DUXB: variants seen among roughly 807,000 people sequenced by gnomAD.
DUXB encodes double homeobox B.
Under a neutral mutation model 8.9 loss-of-function variants are expected in DUXB, and 22 were observed. The ratio of observed to expected loss-of-function variants is 2.46; its 90% CI spans 1.76 to 3.52. The LOEUF (loss-of-function observed/expected upper bound fraction) is 3.52, where lower values mean the gene tolerates loss of function less well. DUXB is among the 30% of genes most tolerant of loss of function. DUXB has a pLI of 0.00. For synonymous variants in DUXB, 84 were observed against 37.6 expected (o/e 2.23, Z -4.52); for missense variants, 237 against 108.7 (o/e 2.18, Z -5.25).
chr16:75,700,329 G>A, intron 1 of DUXB, 160 bp from the exon 2 acceptor site: 2 of 498,846 alleles, frequency 4.0e-6, no homozygotes, highest in Non-Finnish European at 7.1e-6. Flanking sequence ...CCGCTCCTGG[G>A]TTCAAGCGAT....
rs1478025678 is a variant in DUXB at position 75,696,926 on chromosome 16, G to T, written c.198C>A (p.Tyr66Ter). 1.4e-6 allele frequency: 1 copy of T among 702,552 alleles called. No homozygotes were observed. The highest frequency in any genetic ancestry group is 2.6e-6 in the Non-Finnish European group (1 of 384,906). The allele number at this position is 702,552 out of a possible 1,614,324, so 43.5% of individuals were successfully genotyped here. A position where few individuals can be genotyped will look rare whatever the true frequency, so the allele number is the denominator to read the frequency against. Reference sequence around the variant, plus strand: ...AATCCAGTTTTCTCTGTTTTACTCTGTAATTTTTAAACCAAACCTAAGTAG... The same window carrying T: ...AATCCAGTTTTCTCTGTTTTACTCTTTAATTTTTAAACCAAACCTAAGTAG... ...ESNIQVWFKN[Y>*]RVKQRKLDYK... Residue 66 changes from tyrosine to a stop codon, truncating the protein, a stop_gained, in exon 3 of 5, where the codon TAC (tyrosine) becomes TAA (stop). Coordinates refer to ENST00000633875, the MANE Select transcript of DUXB (RefSeq NM_001351307.2). LOFTEE classifies it high-confidence loss of function.
rs964135071 is a variant in DUXB at position 75,696,081 on chromosome 16, T to G, written c.321A>C (p.Thr107=). The G allele has an allele frequency of 2.8e-6, 2 of 702,952 alleles. No homozygotes were observed. Among genetic ancestry groups the G allele is most frequent in the Admixed American group, 2.0e-5 (1 of 49,998 alleles). 43.5% of individuals were successfully genotyped at this position (702,952 alleles called of 1,614,324 possible). Residue 107 remains threonine (T), a synonymous_variant, in exon 4 of 5, where the codon ACA becomes ACC. Coordinates refer to ENST00000633875, the MANE Select transcript of DUXB (RefSeq NM_001351307.2). ...TGTTTTTTTGAGTCCATGTGATGAA[T>G]GTCTGTTTTTGTCGGGCTTCTTTAG... ...YLPKEARQKQ[T]FITWTQKNRL...
chr16:75,699,716 G>A (rs911144771), intron 2 of DUXB, among the ~76,000 whole-genome samples: 26 of 151,742 alleles, frequency 1.7e-4, no homozygotes, highest in African/African-American at 5.6e-4. Context: ...CTGCCACCAC[G>A]CCCGGCTAAT....
At chr16:75,697,015 T>C (rs935174067) in intron 2 of DUXB, 72 bp from the exon 3 acceptor site, 1 of 661,598 alleles carries the variant, frequency 1.5e-6, no homozygotes, top group African/African-American at 1.8e-5. Context: ...TCAATTCAAT[T>C]GAACAAAACT....
intron 2 of DUXB, among the ~76,000 whole-genome samples, chr16:75,699,242 C>T (rs1277052187): frequency 1.3e-5 from 2 of 152,146 alleles, no homozygotes; most frequent in Non-Finnish European, 2.9e-5. Context: ...TTATTTCAAA[C>T]GCTATGTGTA....
chr16:75,695,935 G>C, intron 4 of DUXB, 26 bp downstream of exon 4: 1 of 702,834 alleles, frequency 1.4e-6, no homozygotes, highest in Non-Finnish European at 2.6e-6. Flanking sequence ...GCAGGACATA[G>C]TTGGGATCAC....
intron 2 of DUXB, among the ~76,000 whole-genome samples, chr16:75,698,201 C>T (rs1959194828): frequency 6.6e-6 from 1 of 152,186 alleles, no homozygotes; most frequent in South Asian, 2.1e-4. Flanking sequence ...GTCATTTTCA[C>T]CATGATTCCA....
At chr16:75,697,248 T>C (rs112510024) in intron 2 of DUXB, among the ~76,000 whole-genome samples, 131 of 152,322 alleles carry the variant, frequency 8.6e-4, no homozygotes, top group African/African-American at 2.9e-3. Context: ...GTCTCTCTCT[T>C]TCCCTCCCTC....
At chr16:75,696,177 T>C in intron 3 of DUXB, 62 bp from the exon 4 acceptor site, 1 of 691,536 alleles carries the variant, frequency 1.4e-6, no homozygotes, top group South Asian at 1.5e-5. Flanking sequence ...AACAAACCCA[T>C]GAAGATAATG....
chr16:75,700,310 A>T (rs116930125), intron 1 of DUXB, 141 bp from the exon 2 acceptor site: 12 of 515,856 alleles, frequency 2.3e-5, no homozygotes, highest in South Asian at 1.7e-4. Context: ...TTTCGGGTCA[A>T]TGCGACCTCC....
At chr16:75,697,984 G>A (rs940733806) in intron 2 of DUXB, among the ~76,000 whole-genome samples, 8 of 152,182 alleles carry the variant, frequency 5.3e-5, no homozygotes, top group Admixed American at 2.6e-4. Flanking sequence ...CCTCTTGTCT[G>A]TGGAAATATT....
chr16:75,697,773 G>A (rs1279304706), intron 2 of DUXB, among the ~76,000 whole-genome samples: 1 of 152,198 alleles, frequency 6.6e-6, no homozygotes, highest in African/African-American at 2.4e-5. Flanking sequence ...GAGGTGAGTG[G>A]AGGGCCAGTG....
At chr16:75,699,566 T>C (rs1410116743) in intron 2 of DUXB, among the ~76,000 whole-genome samples, 1 of 151,038 alleles carries the variant, frequency 6.6e-6, no homozygotes, top group Non-Finnish European at 1.5e-5. Flanking sequence ...TTCTTTTCTT[T>C]TTTTTTTTTT....
At position 75,699,590 on chromosome 16, in the gene DUXB, C is replaced by T. The variant is rs374825499; in HGVS notation, c.180+425G>A. Among the ~76,000 whole-genome samples, 8 of 148,476 alleles carry T rather than the reference C, an allele frequency of 5.4e-5. No homozygotes were observed. In the East Asian group the frequency reaches 5.9e-4, roughly 11 times the overall value. ...TTTTTTTTTTTTTGAGACGGAGTCT[C>T]GCTTTGTCTTCCATCCTGGAATGCA... is the stretch of plus-strand genomic sequence containing the variant. On this transcript the variant is annotated intron_variant, in intron 2 of 4. Transcript: ENST00000633875.
chr16:75,699,482 A>G (rs1040816772), intron 2 of DUXB, among the ~76,000 whole-genome samples: 31 of 152,254 alleles, frequency 2.0e-4, no homozygotes, highest in Non-Finnish European at 7.4e-5. Flanking sequence ...CTCCTTCCCC[A>G]TTAGTGAATA....
intron 3 of DUXB, among the ~76,000 whole-genome samples, chr16:75,696,380 G>C (rs1486414755): frequency 6.6e-6 from 1 of 152,044 alleles, no homozygotes; most frequent in South Asian, 2.1e-4. Flanking sequence ...GTGAAACCCC[G>C]TTTCTACTAA....
At chr16:75,698,501 T>C (rs540886018) in intron 2 of DUXB, 1 of 152,224 alleles carries the variant, frequency 6.6e-6, no homozygotes, top group Non-Finnish European at 1.5e-5. Flanking sequence ...AATTATATTC[T>C]TTACAGGTAT....
rs1405048428 is a variant in DUXB at position 75,695,952 on chromosome 16, A to G, written c.441+9T>C. ...AGGACATAGTTGGGATCACACACATAGAACTTACTTGAATTCTTGATTCCT... is the reference window on the plus strand; with the variant it reads ...AGGACATAGTTGGGATCACACACATGGAACTTACTTGAATTCTTGATTCCT... On this transcript the variant is annotated intron_variant, in intron 4 of 4. Coordinates refer to ENST00000633875, the MANE Select transcript of DUXB (RefSeq NM_001351307.2). The G allele has an allele frequency of 1.4e-6, 1 of 702,872 alleles. No individual in the cohort carries two copies. Among genetic ancestry groups the G allele is most frequent in the Non-Finnish European group, 2.6e-6 (1 of 385,010 alleles). 43.5% of individuals were successfully genotyped at this position (702,872 alleles called of 1,614,324 possible).
At chr16:75,695,158 C>A (rs969960017) in intron 4 of DUXB, among the ~76,000 whole-genome samples, 1 of 152,056 alleles carries the variant, frequency 6.6e-6, no homozygotes. Context: ...CATAAACACA[C>A]AAATACATAC....
Sources: allele counts gnomAD v4.1 joint callset (sites outside exome capture counted in the v4.1 genomes callset), GRCh38; gene constraint gnomAD v4.1.1; transcripts MANE v1.5; gene names NCBI Gene and HGNC (gene_info 2026-07-23, HGNC 2026-07-21).